The following TANGO2 variants were observed in gnomAD, a reference collection of about 807,000 sequenced individuals.
The protein encoded by TANGO2 is transport and Golgi organization protein 2 homolog.
TANGO2 carries 26 observed loss-of-function variants against 39.1 expected under a neutral mutation model. That is an observed-to-expected ratio of 0.67 (90% CI 0.49 to 0.92). TANGO2 has a LOEUF of 0.92. Among genes scored for constraint, TANGO2 ranks in the 40% least tolerant of loss-of-function variants. TANGO2 has a pLI of 0.00. For synonymous variants in TANGO2, 131 were observed against 144.5 expected, an observed-to-expected ratio of 0.91 and a Z score of 0.67; for missense variants, 326 against 360.1, an observed-to-expected ratio of 0.91 and a Z score of 0.77.
At chr22:20,038,211 G>C (rs557903544) in intron 2 of TANGO2, among the ~76,000 whole-genome samples, 1 of 152,342 alleles carries the variant, frequency 6.6e-6, no homozygotes, top group South Asian at 2.1e-4. Context: ...TCTGCATACC[G>C]AGAAGACCCT....
chr22:20,047,039 G>A (rs986323488), intron 3 of TANGO2, among the ~76,000 whole-genome samples: 6 of 152,150 alleles, frequency 3.9e-5, no homozygotes, highest in East Asian at 1.9e-4. Context: ...GATCACACAC[G>A]GAGGGAGGAA....
At chr22:20,029,712 C>A (rs958245921) in intron 1 of TANGO2, among the ~76,000 whole-genome samples, 1 of 152,196 alleles carries the variant, frequency 6.6e-6, no homozygotes, top group Non-Finnish European at 1.5e-5. Context: ...CAGTGACTGT[C>A]CCCCTCTTAC....
intron 2 of TANGO2, among the ~76,000 whole-genome samples, chr22:20,039,698 C>T (rs776128415): frequency 1.4e-4 from 21 of 151,958 alleles, no homozygotes; most frequent in Non-Finnish European, 2.9e-5. Context: ...CTGGCTTCAG[C>T]CTAGAGTGGC....
intron 5 of TANGO2, 129 bp from the exon 6 acceptor site, chr22:20,055,814 C>G: frequency 1.3e-6 from 1 of 797,204 alleles, no homozygotes; most frequent in East Asian, 2.6e-5. Flanking sequence ...CCTGCAAGCT[C>G]CTGACCTGGC....
At position 20,064,631 on chromosome 22, in the gene TANGO2, C is replaced by G; in HGVS notation, c.800C>G (p.Thr267Ser). ...GACAAGGACCTCTCCCACTGGGAGA[C>G]CAGAACCTATGAGTTCACACTGCAG... ...MMDKDLSHWE[T>S]RTYEFTLQS Residue 267 changes from threonine (T) to serine (S), a missense_variant, in exon 9 of 9, where the codon ACC becomes AGC. Thr to Ser is a moderately conservative substitution (Grantham distance 58, BLOSUM62 1). Coordinates refer to ENST00000327374, the MANE Select transcript of TANGO2 (RefSeq NM_152906.7). 1.2e-6 allele frequency: 2 copies of G among 1,614,188 alleles called. No homozygotes were observed.
At chr22:20,038,286 T>C (rs1231889347) in intron 2 of TANGO2, among the ~76,000 whole-genome samples, 1 of 152,056 alleles carries the variant, frequency 6.6e-6, no homozygotes. Flanking sequence ...TGCGAGACAA[T>C]AGTGTCTGTT....
intron 2 of TANGO2, chr22:20,037,211 G>A (rs997374560): frequency 1.7e-5 from 20 of 1,188,942 alleles, no homozygotes; most frequent in South Asian, 8.0e-5. Flanking sequence ...TTGGGCTGGC[G>A]GGTCACAGCT....
At chr22:20,035,953 G>A (rs1055292696) in intron 1 of TANGO2, among the ~76,000 whole-genome samples, 1 of 152,084 alleles carries the variant, frequency 6.6e-6, no homozygotes, top group Admixed American at 6.6e-5. Flanking sequence ...TGTGCTTGTC[G>A]GCCTCCACTT....
rs2048401628 is a variant in TANGO2, at chr22:20,061,635, AGGATGTGCTCATCGCCAGCCTCCT to A, written c.569_592del (p.Ile190_Leu197del). The A allele has an allele frequency of 1.9e-6, 3 of 1,567,594 alleles. No homozygotes were observed. The highest frequency in any genetic ancestry group is 2.6e-6 in the Non-Finnish European group (3 of 1,155,578). Reference sequence around the variant, plus strand: ...GTGGAACGGAGCCAGGCGCTGCCCAAGGATGTGCTCATCGCCAGCCTCCTGGATGTGCTCAACAATGAAGAGGCG... The same window carrying A: ...GTGGAACGGAGCCAGGCGCTGCCCAAGGATGTGCTCAACAATGAAGAGGCG... On this transcript the variant is annotated inframe_deletion, in exon 7 of 9. Coordinates refer to ENST00000327374, the MANE Select transcript of TANGO2 (RefSeq NM_152906.7).
chr22:20,031,913 C>T (rs1353108930), intron 1 of TANGO2, among the ~76,000 whole-genome samples: 1 of 152,198 alleles, frequency 6.6e-6, no homozygotes, highest in Non-Finnish European at 1.5e-5. Context: ...CCCACTTGAT[C>T]CCAGCATCCC....
intron 1 of TANGO2, among the ~76,000 whole-genome samples, chr22:20,032,682 G>A (rs1052946152): frequency 1.2e-4 from 18 of 152,216 alleles, no homozygotes; most frequent in Non-Finnish European, 2.5e-4. Context: ...AGCCAGGCAC[G>A]ATTCTCCCTG....
rs138670813 is a variant in TANGO2, at chr22:20,054,004, C to T, written c.380+453C>T. The T allele has an allele frequency of 3.4e-3, 1,116 of 326,716 alleles. 14 individuals carry two copies. The highest frequency in any genetic ancestry group is 0.022 in the African/African-American group (1,014 of 45,622). The allele number at this position is 326,716 out of a possible 1,614,324, so 20.2% of individuals were successfully genotyped here. A position where few individuals can be genotyped will look rare whatever the true frequency, so the allele number is the denominator to read the frequency against. ...GAAGTGAGCATTCCTCCCTCCTGCC[C>T]TCCTCCCCCTCCAAAGCCCCAGAAC... On this transcript the variant is annotated intron_variant, in intron 5 of 8. Coordinates refer to ENST00000327374, the MANE Select transcript of TANGO2 (RefSeq NM_152906.7).
chr22:20,020,958 T>A (rs555534768), upstream of TANGO2: 1 of 152,050 alleles, frequency 6.6e-6, no homozygotes, highest in African/African-American at 2.4e-5. Context: ...CGCCAGGAGG[T>A]GGCAGCCTCC....
intron 2 of TANGO2, among the ~76,000 whole-genome samples, chr22:20,042,478 T>A (rs1166640026): frequency 2.6e-5 from 4 of 152,182 alleles, no homozygotes; most frequent in Non-Finnish European, 5.9e-5. Flanking sequence ...AATATTTGTT[T>A]GATTAGGCTG....
chr22:20,056,542 C>G (rs755831298), intron 6 of TANGO2: 1 of 456,826 alleles, frequency 2.2e-6, no homozygotes, highest in South Asian at 1.5e-5. Flanking sequence ...TGCCCTGGCT[C>G]TGCACCACTG....
intron 3 of TANGO2, among the ~76,000 whole-genome samples, chr22:20,049,677 A>G (rs1365342191): frequency 6.6e-6 from 1 of 150,752 alleles, no homozygotes; most frequent in African/African-American, 2.4e-5. Flanking sequence ...AAAAAAAAAA[A>G]GAAAAAAGAA....
rs1191958022 is a variant in TANGO2 at position 20,043,357 on chromosome 22, T to G, written c.59T>G (p.Leu20Arg). ...TCAGTGATGCTTTCCTCTTGCAGGC[T>G]CATCTTGGCAGCCAACAGGGATGAA... ...PRPVSKNAYR[L>R]ILAANRDEFY... The change falls in exon 3 of 9, where the codon CTC (leucine) becomes CGC (arginine). Residue 20 changes from leucine to arginine, a missense_variant and splice_region_variant. Transcript: ENST00000327374. 6.2e-7 allele frequency: 1 copy of G among 1,611,662 alleles called. No individual in the cohort carries two copies. The highest frequency in any genetic ancestry group is 8.5e-7 in the Non-Finnish European group (1 of 1,178,226).
intron 6 of TANGO2, among the ~76,000 whole-genome samples, chr22:20,060,348 C>CA (rs1180539682): frequency 0.29 from 23,436 of 80,420 alleles, 3,322 homozygotes; most frequent in East Asian, 0.6. Context: ...GACTCCGTCT[C>CA]AAAAAAAAAA....
In TANGO2 at chr22:20,035,172, C is replaced by T. The variant is rs201761759; in HGVS notation, c.-39-1588C>T. 2.5e-4 allele frequency among the ~76,000 whole-genome samples: 38 copies of T among 152,356 alleles called. No homozygotes were observed. The East Asian group carries it at 7.4e-3, about 29-fold the overall frequency. On this transcript the variant is annotated intron_variant, in intron 1 of 8. Transcript: ENST00000327374. Reference sequence around the variant, plus strand: ...CTCAAATGGCTGCCCATCCCCCTGACCCAGTGCGTCTGCACGTGGCGCTTA... The same window carrying T: ...CTCAAATGGCTGCCCATCCCCCTGATCCAGTGCGTCTGCACGTGGCGCTTA...
Sources: allele counts gnomAD v4.1 joint callset (sites outside exome capture counted in the v4.1 genomes callset), GRCh38; gene constraint gnomAD v4.1.1; transcripts MANE v1.5; gene names NCBI Gene and HGNC (gene_info 2026-07-23, HGNC 2026-07-21).